RBFOX1: variants seen among roughly 807,000 people sequenced by gnomAD.
The protein encoded by RBFOX1 is RNA binding fox-1 homolog 1.
RBFOX1 carries 8 observed loss-of-function variants against 57.7 expected under a neutral mutation model. The ratio of observed to expected loss-of-function variants is 0.14; its 90% CI spans 0.08 to 0.25. The LOEUF (loss-of-function observed/expected upper bound fraction) is 0.25. RBFOX1 is among the 10% of genes least tolerant of loss of function. The pLI is 1.00. For missense variants in RBFOX1, 611 were observed against 548.5 expected (o/e 1.11, Z -1.14); for synonymous variants, 326 against 222.4 (o/e 1.47, Z -4.15).
At position 6,969,358 on chromosome 16, in the gene RBFOX1, T is replaced by A. The variant is rs146380491; in HGVS notation, c.-15-82699T>A. On this transcript the variant is annotated intron_variant, in intron 3 of 15. Coordinates refer to ENST00000550418, the MANE Select transcript of RBFOX1 (RefSeq NM_018723.4). ...GAGGGAGGCAGTGTCATGCAGTGAT[T>A]CCATATTTAACTTAAAAATTTGGAT... is the stretch of plus-strand genomic sequence containing the variant. 1.3e-3 allele frequency among the ~76,000 whole-genome samples: 196 copies of A among 152,068 alleles called. 2 individuals are homozygous for A. Among genetic ancestry groups the A allele is most frequent in the African/African-American group, 4.3e-3 (179 of 41,392 alleles).
intron 1 of RBFOX1, among the ~76,000 whole-genome samples, chr16:5,373,732 C>T (rs1484639499): frequency 1.3e-5 from 2 of 150,944 alleles, no homozygotes; most frequent in African/African-American, 4.9e-5. Flanking sequence ...GCCTCCCAAG[C>T]AGCTGGGATA....
At chr16:6,039,545 A>C (rs2095413579) in intron 1 of RBFOX1, among the ~76,000 whole-genome samples, 1 of 152,036 alleles carries the variant, frequency 6.6e-6, no homozygotes, top group Non-Finnish European at 1.5e-5. Context: ...TTTAAAGCAA[A>C]ACCTTTCATT....
At chr16:7,221,360 TTTA>T (rs2092715777) in intron 4 of RBFOX1, among the ~76,000 whole-genome samples, 1 of 148,826 alleles carries the variant, frequency 6.7e-6, no homozygotes, top group African/African-American at 2.5e-5. Flanking sequence ...TATTTATTTA[TTTA>T]TTTTTTTATT....
chr16:5,505,845 G>A (rs978845648), intron 2 of RBFOX1, among the ~76,000 whole-genome samples: 2 of 152,102 alleles, frequency 1.3e-5, no homozygotes, highest in African/African-American at 4.8e-5. Flanking sequence ...TTGCGTGTGT[G>A]TCTAGAGGGA....
chr16:6,189,539 C>T (rs143444417), intron 1 of RBFOX1, among the ~76,000 whole-genome samples: 106 of 152,228 alleles, frequency 7.0e-4, no homozygotes, highest in African/African-American at 1.9e-3. Context: ...AGCTTAGGTG[C>T]GGGAGCACTC....
intron 3 of RBFOX1, among the ~76,000 whole-genome samples, chr16:6,984,389 A>G (rs2089741917): frequency 1.3e-5 from 2 of 152,126 alleles, no homozygotes; most frequent in Admixed American, 6.5e-5. Context: ...CTACAGCACT[A>G]CTGAGCATCC....
intron 4 of RBFOX1, among the ~76,000 whole-genome samples, chr16:7,307,388 G>C (rs1459738796): frequency 6.6e-6 from 1 of 152,062 alleles, no homozygotes; most frequent in East Asian, 1.9e-4. Flanking sequence ...AATCAATTGG[G>C]GTGCCTCAGC....
At chr16:5,738,588 T>G (rs558446568) in intron 3 of RBFOX1, among the ~76,000 whole-genome samples, 21 of 142,608 alleles carry the variant, frequency 1.5e-4, no homozygotes, top group Non-Finnish European at 2.4e-4. Context: ...GTGCCGAGAT[T>G]GCACAACTGT....
intron 1 of RBFOX1, among the ~76,000 whole-genome samples, chr16:5,424,051 G>A (rs1300749271): frequency 1.3e-5 from 2 of 152,136 alleles, no homozygotes; most frequent in African/African-American, 4.8e-5. Context: ...GGGACCCCTC[G>A]TGTTTCCTGG....
At position 5,981,621 on chromosome 16, in the gene RBFOX1, A is replaced by G. The variant is rs116117328; in HGVS notation, c.351+114286A>G. Among the ~76,000 whole-genome samples, 792 of 152,198 alleles carry G rather than the reference A, an allele frequency of 5.2e-3. 5 individuals are homozygous for G. Among genetic ancestry groups the G allele is most frequent in the African/African-American group, 0.017 (724 of 41,518 alleles). On this transcript the variant is annotated intron_variant, in intron 4 of 19. Transcript: ENST00000641259. Reference sequence around the variant, plus strand: ...GTAGCTGGGATTATAGGTGCCCACTATCAGGCTGGGCCAATTTTTATATTT... The same window carrying G: ...GTAGCTGGGATTATAGGTGCCCACTGTCAGGCTGGGCCAATTTTTATATTT...
chr16:5,647,926 C>G (rs2049103923), intron 3 of RBFOX1, among the ~76,000 whole-genome samples: 1 of 152,154 alleles, frequency 6.6e-6, no homozygotes, highest in Non-Finnish European at 1.5e-5. Context: ...GTGGCATGAT[C>G]TCAGCTCACT....
Position 6,210,758 on chromosome 16 carries a change from A to AAAAG in RBFOX1, c.-126-106236_-126-106235insAAGA, listed in dbSNP as rs1567685533. Among the ~76,000 whole-genome samples, 67 of 152,138 alleles carry AAAAG rather than the reference A, an allele frequency of 4.4e-4. No individual in the cohort carries two copies. The South Asian group carries it at 6.2e-3, about 14-fold the overall frequency. On this transcript the variant is annotated intron_variant, in intron 1 of 15. Transcript: ENST00000550418. Reference sequence around the variant, plus strand: ...AAAAGAAAAGAAAAGAAAAGAAAAAAATTAAAAAAGGAATCTTATGAAGAT... The same window carrying AAAAG: ...AAAAGAAAAGAAAAGAAAAGAAAAAAAAAGATTAAAAAAGGAATCTTATGAAGAT...
At chr16:7,567,311 ATATATATATATC>A (rs2092015194) in intron 5 of RBFOX1, among the ~76,000 whole-genome samples, 1 of 113,622 alleles carries the variant, frequency 8.8e-6, no homozygotes, top group Non-Finnish European at 1.8e-5. Flanking sequence ...CCCTATATAT[ATATATATATATC>A]TCCCTATATA....
At chr16:6,232,686 G>A (rs1309970698) in intron 1 of RBFOX1, among the ~76,000 whole-genome samples, 1 of 152,172 alleles carries the variant, frequency 6.6e-6, no homozygotes, top group Non-Finnish European at 1.5e-5. Context: ...ACCTATTTAA[G>A]GTCCGTGCTC....
intron 2 of RBFOX1, among the ~76,000 whole-genome samples, chr16:6,612,863 A>AATAAAT (rs1555612744): frequency 1.5e-5 from 2 of 132,242 alleles, no homozygotes; most frequent in African/African-American, 5.8e-5. Context: ...AAAAAAAAAA[A>AATAAAT]AATAATAATA....
intron 3 of RBFOX1, among the ~76,000 whole-genome samples, chr16:6,957,533 G>C (rs1040151153): frequency 1.3e-5 from 2 of 152,140 alleles, no homozygotes; most frequent in Admixed American, 1.3e-4. Flanking sequence ...GGGGAGTGTA[G>C]CAGTGGGGAC....
At chr16:7,146,401 C>G (rs560067158) in intron 4 of RBFOX1, among the ~76,000 whole-genome samples, 1 of 152,332 alleles carries the variant, frequency 6.6e-6, no homozygotes, top group South Asian at 2.1e-4. Flanking sequence ...CTTTGCTGAA[C>G]CAGCTGAACC....
At chr16:5,587,656 T>C (rs777937371) in intron 2 of RBFOX1, among the ~76,000 whole-genome samples, 31 of 152,168 alleles carry the variant, frequency 2.0e-4, no homozygotes, top group Admixed American at 2.0e-3. Context: ...GAGGTTGCAG[T>C]GAGCCAAGAT....
At chr16:5,675,796 TCTC>T (rs2050150352) in intron 3 of RBFOX1, among the ~76,000 whole-genome samples, 1 of 152,082 alleles carries the variant, frequency 6.6e-6, no homozygotes, top group Non-Finnish European at 1.5e-5. Context: ...TCCTCTCCAT[TCTC>T]CTCTGGCAGC....
Sources: allele counts gnomAD v4.1 joint callset (sites outside exome capture counted in the v4.1 genomes callset), GRCh38; gene constraint gnomAD v4.1.1; transcripts MANE v1.5; gene names NCBI Gene and HGNC (gene_info 2026-07-23, HGNC 2026-07-21).